WFDC11: variants seen among roughly 807,000 people sequenced by gnomAD.
WFDC11 encodes the protein WAP four-disulfide core domain 11, also known as protein WFDC11.
WFDC11 carries 9 observed loss-of-function variants against 9.9 expected under a neutral mutation model. The observed-to-expected ratio is 0.91, with a 90% CI of 0.55 to 1.58. WFDC11 has a LOEUF of 1.58. Among genes scored for constraint, WFDC11 ranks in the 40% most tolerant of loss-of-function variants. WFDC11 has a pLI of 0.00. For missense variants in WFDC11, 106 were observed against 101.7 expected, an observed-to-expected ratio of 1.04 and a Z score of -0.18; for synonymous variants, 32 against 33.3, an observed-to-expected ratio of 0.96 and a Z score of 0.13.
chr20:45,666,519 A>G (rs1983192010), intron 2 of WFDC11, among the ~76,000 whole-genome samples: 1 of 152,236 alleles, frequency 6.6e-6, no homozygotes, highest in South Asian at 2.1e-4. Context: ...TCACGCTGGG[A>G]GCTGCAGACC....
intron 1 of WFDC11, among the ~76,000 whole-genome samples, chr20:45,669,917 C>T (rs1983262815): frequency 6.6e-6 from 1 of 151,900 alleles, no homozygotes; most frequent in South Asian, 2.1e-4. Flanking sequence ...GACTGGTAGA[C>T]CACTAGTTAG....
At chr20:45,666,333 C>T (rs749369029) in intron 2 of WFDC11, among the ~76,000 whole-genome samples, 13 of 152,230 alleles carry the variant, frequency 8.5e-5, no homozygotes, top group Non-Finnish European at 1.8e-4. Flanking sequence ...TCTGTCACGG[C>T]TTCCCTTGGC....
intron 2 of WFDC11, among the ~76,000 whole-genome samples, chr20:45,661,693 G>T (rs1354176879): frequency 6.6e-6 from 1 of 152,114 alleles, no homozygotes; most frequent in African/African-American, 2.4e-5. Flanking sequence ...CCCATTGCTT[G>T]TTTTTCTCAG....
chr20:45,650,744 C>T, intron 2 of WFDC11, 93 bp from the exon 3 acceptor site: 1 of 672,224 alleles, frequency 1.5e-6, no homozygotes, highest in South Asian at 2.0e-5. Context: ...CTCACTATTC[C>T]CCCTAGGCCT....
intron 4 of WFDC11, 132 bp from the exon 5 acceptor site, chr20:45,648,871 G>T: frequency 2.0e-6 from 2 of 1,008,990 alleles, no homozygotes; most frequent in Non-Finnish European, 1.5e-6. Flanking sequence ...AACAGGAGTT[G>T]TCCACTTCTG....
chr20:45,666,240 G>C (rs1402337259), intron 2 of WFDC11, among the ~76,000 whole-genome samples: 1 of 152,236 alleles, frequency 6.6e-6, no homozygotes, highest in Non-Finnish European at 1.5e-5. Flanking sequence ...AGGCCCGGGA[G>C]AGAATCTCTT....
chr20:45,666,663 T>A (rs1173443988), intron 2 of WFDC11, among the ~76,000 whole-genome samples: 1 of 152,246 alleles, frequency 6.6e-6, no homozygotes, highest in African/African-American at 2.4e-5. Flanking sequence ...CATACTTTTA[T>A]CTATTCTATC....
intron 2 of WFDC11, among the ~76,000 whole-genome samples, chr20:45,665,873 G>A (rs1238626636): frequency 6.6e-6 from 1 of 152,172 alleles, no homozygotes; most frequent in Non-Finnish European, 1.5e-5. Flanking sequence ...GGCTACACAG[G>A]GGTCAGGGAC....
intron 2 of WFDC11, among the ~76,000 whole-genome samples, chr20:45,665,395 G>C (rs1421250098): frequency 1.3e-5 from 2 of 152,062 alleles, no homozygotes; most frequent in African/African-American, 4.8e-5. Flanking sequence ...TGTTATTATA[G>C]ACCTTCTGAA....
At chr20:45,662,629 G>A (rs1186434728) in intron 2 of WFDC11, among the ~76,000 whole-genome samples, 1 of 152,178 alleles carries the variant, frequency 6.6e-6, no homozygotes, top group Non-Finnish European at 1.5e-5. Context: ...TTAGCATGAA[G>A]CGTTGTTGAA....
At chr20:45,660,278 G>A (rs979105366) in intron 2 of WFDC11, among the ~76,000 whole-genome samples, 1 of 152,082 alleles carries the variant, frequency 6.6e-6, no homozygotes, top group Non-Finnish European at 1.5e-5. Context: ...TTGACCCAAT[G>A]ATCATTCAGG....
intron 1 of WFDC11, among the ~76,000 whole-genome samples, chr20:45,669,574 T>C (rs1038203700): frequency 1.3e-5 from 2 of 152,192 alleles, no homozygotes; most frequent in Admixed American, 6.5e-5. Flanking sequence ...CTGAATGACT[T>C]TTTGGTAAAC....
At chr20:45,654,945 T>C (rs1467754501) in intron 2 of WFDC11, among the ~76,000 whole-genome samples, 2 of 151,988 alleles carry the variant, frequency 1.3e-5, no homozygotes, top group African/African-American at 4.8e-5. Flanking sequence ...AATTAATAGC[T>C]TACCAATCAA....
intron 2 of WFDC11, among the ~76,000 whole-genome samples, chr20:45,663,040 T>C (rs1475407124): frequency 2.0e-5 from 3 of 152,116 alleles, no homozygotes; most frequent in African/African-American, 4.8e-5. Flanking sequence ...GCTGTGAATC[T>C]CTCTGGTCCT....
intron 2 of WFDC11, among the ~76,000 whole-genome samples, chr20:45,665,939 C>T (rs2145624502): frequency 6.6e-6 from 1 of 152,320 alleles, no homozygotes; most frequent in Middle Eastern, 3.4e-3. Flanking sequence ...GCTGGGAGAA[C>T]CACTGCTCTC....
chr20:45,649,451 C>T (rs377134689), intron 3 of WFDC11, 52 bp from the exon 4 acceptor site: 45 of 1,593,474 alleles, frequency 2.8e-5, no homozygotes, highest in African/African-American at 2.2e-4. Context: ...CAGCCAAGAG[C>T]GGAAAGAAAG....
chr20:45,651,612 C>T (rs552321645), intron 2 of WFDC11, among the ~76,000 whole-genome samples: 43 of 152,172 alleles, frequency 2.8e-4, no homozygotes, highest in Middle Eastern at 6.8e-3. Flanking sequence ...TGCAGCACAC[C>T]GAGCATGAGC....
chr20:45,660,023 A>C (rs1489799967), intron 2 of WFDC11, among the ~76,000 whole-genome samples: 1 of 152,078 alleles, frequency 6.6e-6, no homozygotes, highest in African/African-American at 2.4e-5. Flanking sequence ...AGATGGTTGT[A>C]GATGTGTGGT....
intron 2 of WFDC11, among the ~76,000 whole-genome samples, chr20:45,657,322 C>T (rs551655915): frequency 0.01 from 1,539 of 151,566 alleles, 27 homozygotes; most frequent in African/African-American, 0.035. Flanking sequence ...TCTCAGCAAA[C>T]TATCGCAAGG....
Sources: allele counts gnomAD v4.1 joint callset (sites outside exome capture counted in the v4.1 genomes callset), GRCh38; gene constraint gnomAD v4.1.1; transcripts MANE v1.5; gene names NCBI Gene and HGNC (gene_info 2026-07-23, HGNC 2026-07-21).